PRKN: variants seen among roughly 807,000 people sequenced by gnomAD.
The protein encoded by PRKN is E3 ubiquitin-protein ligase parkin.
Under a neutral mutation model 59.5 loss-of-function variants are expected in PRKN, and 56 were observed. The observed-to-expected ratio is 0.94, with a 90% CI of 0.76 to 1.18. The LOEUF (loss-of-function observed/expected upper bound fraction) is 1.18, where lower values mean the gene tolerates loss of function less well. PRKN is among the 50% of genes most tolerant of loss of function. The pLI, the probability that PRKN is intolerant of heterozygous loss-of-function variation, is 0.00. For missense variants in PRKN, 657 were observed against 596.4 expected (o/e 1.10, Z -1.06); for synonymous variants, 250 against 222.1 (o/e 1.13, Z -1.12).
intron 3 of PRKN, among the ~76,000 whole-genome samples, chr6:162,251,919 A>C (rs181847485): frequency 6.6e-6 from 1 of 152,228 alleles, no homozygotes; most frequent in Non-Finnish European, 1.5e-5. Flanking sequence ...TTACTAATAT[A>C]AACAGTGTTG....
intron 1 of PRKN, among the ~76,000 whole-genome samples, chr6:162,706,302 G>C (rs1459218054): frequency 6.6e-6 from 1 of 152,168 alleles, no homozygotes; most frequent in Non-Finnish European, 1.5e-5. Flanking sequence ...CGCACTGCAT[G>C]GAACTCAGCC....
chr6:161,450,579 C>T (rs548472349), intron 9 of PRKN, among the ~76,000 whole-genome samples: 115 of 151,192 alleles, frequency 7.6e-4, no homozygotes, highest in Non-Finnish European at 1.4e-3. Flanking sequence ...TTTTTTGAGA[C>T]GGAGTCTCGC....
At chr6:162,651,758 C>T (rs2128226653) in intron 1 of PRKN, among the ~76,000 whole-genome samples, 1 of 152,244 alleles carries the variant, frequency 6.6e-6, no homozygotes, top group East Asian at 1.9e-4. Context: ...TTAGGCAGTG[C>T]TGGTGCTGAC....
intron 5 of PRKN, among the ~76,000 whole-genome samples, chr6:161,992,605 T>G (rs1781693264): frequency 6.6e-6 from 1 of 152,142 alleles, no homozygotes; most frequent in South Asian, 2.1e-4. Context: ...CCAAATGGAA[T>G]TAACAGACTT....
intron 2 of PRKN, among the ~76,000 whole-genome samples, chr6:162,375,778 A>ACT (rs932862704): frequency 6.9e-6 from 1 of 145,356 alleles, no homozygotes; most frequent in Admixed American, 6.9e-5. Context: ...CACACACCCC[A>ACT]CTCTCTCTCT....
At chr6:162,531,598 A>G (rs912422357) in intron 1 of PRKN, among the ~76,000 whole-genome samples, 6 of 151,994 alleles carry the variant, frequency 3.9e-5, no homozygotes, top group African/African-American at 1.4e-4. Flanking sequence ...CAGTTAATCC[A>G]TCTGGGTGGG....
intron 4 of PRKN, among the ~76,000 whole-genome samples, chr6:162,074,493 G>A (rs1778728787): frequency 6.6e-6 from 1 of 151,346 alleles, no homozygotes; most frequent in African/African-American, 2.4e-5. Context: ...GGTGGGGGGA[G>A]GGGGAGGGAT....
intron 7 of PRKN, among the ~76,000 whole-genome samples, chr6:161,771,107 A>C (rs1789656532): frequency 6.6e-6 from 1 of 152,112 alleles, no homozygotes; most frequent in Non-Finnish European, 1.5e-5. Flanking sequence ...CTGTAATCCC[A>C]GCACTTTGGG....
intron 9 of PRKN, among the ~76,000 whole-genome samples, chr6:161,500,043 C>G (rs1245635886): frequency 6.6e-6 from 1 of 152,212 alleles, no homozygotes; most frequent in African/African-American, 2.4e-5. Context: ...CTTACAAAAT[C>G]TCACGCATCT....
intron 1 of PRKN, among the ~76,000 whole-genome samples, chr6:162,588,088 G>A (rs1781140498): frequency 1.3e-5 from 2 of 148,542 alleles, no homozygotes; most frequent in Admixed American, 1.4e-4. Context: ...TTGGCTCACT[G>A]CAACCTCCGC....
Position 162,227,924 on chromosome 6 carries a change from T to C in PRKN, c.413-26672A>G, listed in dbSNP as rs1278358623. ...AAGGATGTTGTATTTTAAAAACCAGTAGTTCCATTAAAAAAAAAAAAAAAA... is the reference window on the plus strand; with the variant it reads ...AAGGATGTTGTATTTTAAAAACCAGCAGTTCCATTAAAAAAAAAAAAAAAA... On this transcript the variant is annotated intron_variant, in intron 3 of 11. Transcript: ENST00000366898. 8.3e-5 allele frequency among the ~76,000 whole-genome samples: 12 copies of C among 144,300 alleles called. No homozygotes were observed. The East Asian group carries it at 2.3e-3, about 27-fold the overall frequency. The allele number at this position is 144,300 out of a possible 152,430, so 94.7% of individuals were successfully genotyped here.
At chr6:161,704,343 C>T (rs767277109) in intron 7 of PRKN, among the ~76,000 whole-genome samples, 5 of 152,112 alleles carry the variant, frequency 3.3e-5, no homozygotes, top group Non-Finnish European at 5.9e-5. Context: ...TTTGGTCATC[C>T]GCTCAGCTAA....
Position 161,973,340 on chromosome 6 carries a change from A to G in PRKN, c.696T>C (p.Asn232=), listed in dbSNP as rs759422627. 6.2e-7 allele frequency: 1 copy of G among 1,613,830 alleles called. No homozygotes were observed. The highest frequency in any genetic ancestry group is 1.1e-5 in the South Asian group (1 of 91,060). The stretch of plus-strand genomic sequence containing the variant: ...ACGTAATGCAAGTGATGTTCCGACT[A>G]TTTGTTGCGATCAGGTGCAAAGCTA... The part of the protein sequence containing the change: ...TSVALHLIAT[N]SRNITCITCT... The change falls in exon 6 of 12, where the codon AAT becomes AAC. Residue 232 remains asparagine (N), a synonymous_variant. Transcript: ENST00000366898.
At chr6:162,621,759 T>C (rs1241802299) in intron 1 of PRKN, among the ~76,000 whole-genome samples, 1 of 152,202 alleles carries the variant, frequency 6.6e-6, no homozygotes, top group Non-Finnish European at 1.5e-5. Flanking sequence ...AACTCTTTAA[T>C]GTTCCATTTC....
At chr6:162,207,949 AT>A (rs1289272597) in intron 3 of PRKN, among the ~76,000 whole-genome samples, 26 of 152,342 alleles carry the variant, frequency 1.7e-4, no homozygotes, top group African/African-American at 6.3e-4. Context: ...TGATCATTCA[AT>A]ATCTAGAACA....
chr6:161,500,882 T>TTTC (rs1230684933), intron 9 of PRKN, among the ~76,000 whole-genome samples: 6 of 148,126 alleles, frequency 4.1e-5, no homozygotes, highest in Non-Finnish European at 7.5e-5. Context: ...TTTTCTTTTT[T>TTTC]TTTTTTTTTT....
chr6:161,921,447 T>C (rs1431877443), intron 6 of PRKN, among the ~76,000 whole-genome samples: 9 of 152,240 alleles, frequency 5.9e-5, no homozygotes, highest in Admixed American at 5.2e-4. Context: ...AACATAATTA[T>C]TCATGACCAT....
At chr6:161,632,276 C>A (rs76480347) in intron 7 of PRKN, among the ~76,000 whole-genome samples, 2 of 152,058 alleles carry the variant, frequency 1.3e-5, no homozygotes, top group African/African-American at 4.8e-5. Context: ...TGGTAAGAAT[C>A]GTCCTTAATT....
chr6:162,725,460 C>T (rs1407301707), intron 1 of PRKN, among the ~76,000 whole-genome samples: 1 of 152,152 alleles, frequency 6.6e-6, no homozygotes, highest in Non-Finnish European at 1.5e-5. Context: ...CAGATGTTTA[C>T]TGAAATGTGG....
Sources: gnomAD v4.1 joint callset for allele counts (sites outside exome capture counted in the v4.1 genomes callset) on GRCh38, gnomAD v4.1.1 for gene constraint, MANE v1.5 for transcripts, NCBI Gene and HGNC (gene_info 2026-07-23, HGNC 2026-07-21) for gene names.